VAV2: variants seen among roughly 807,000 people sequenced by gnomAD.
The protein encoded by VAV2 is guanine nucleotide exchange factor VAV2.
In VAV2, 67 loss-of-function variants were observed where a neutral mutation model predicts 132.5. That is an observed-to-expected ratio of 0.51 (90% CI 0.42 to 0.62). VAV2 has a LOEUF of 0.62. Among genes scored for constraint, VAV2 ranks in the 20% least tolerant of loss-of-function variants. The pLI is 0.00. For synonymous variants in VAV2, 492 were observed against 443.5 expected (o/e 1.11, Z -1.37); for missense variants, 938 against 1,153.6 (o/e 0.81, Z 2.71).
At chr9:133,791,723 G>C in intron 13 of VAV2, 60 bp downstream of exon 13, 2 of 1,464,682 alleles carry the variant, frequency 1.4e-6, no homozygotes, top group Non-Finnish European at 1.9e-6. Flanking sequence ...GGCTGTGAAC[G>C]TGACTTTATA....
chr9:133,789,626 C>T (rs1400024361), intron 13 of VAV2, among the ~76,000 whole-genome samples: 7 of 152,028 alleles, frequency 4.6e-5, no homozygotes, highest in African/African-American at 9.7e-5. Context: ...TTGACGGTGC[C>T]GGTTGTGTTC....
chr9:133,959,259 C>G (rs1169388062), intron 1 of VAV2, among the ~76,000 whole-genome samples: 6 of 152,182 alleles, frequency 3.9e-5, no homozygotes, highest in Non-Finnish European at 5.9e-5. Flanking sequence ...CCTGGGGCAG[C>G]TGCTGCACGG....
rs577866582 is a variant in VAV2, at chr9:133,865,442, G to A, written c.322-4010C>T. Among the ~76,000 whole-genome samples the A allele has an allele frequency of 1.2e-4, 18 of 151,584 alleles. No homozygotes were observed. In the South Asian group the frequency reaches 2.1e-3, roughly 18 times the overall value. On this transcript the variant is annotated intron_variant, in intron 2 of 29. Transcript: ENST00000371850. The stretch of plus-strand genomic sequence containing the variant: ...GTGCTGTATTCTTAGTGACTTCCTC[G>A]GTTCTGTCTTCTGATTCATTAATTC...
rs925497802 is a variant in VAV2, at chr9:133,952,857, A to G, written c.205-13638T>C. On this transcript the variant is annotated intron_variant, in intron 1 of 29. Transcript: ENST00000371850. ...CCACTGACACCTAGAACCTGGAGGG[A>G]GCATGGCCCCCGGGACACCTAGAAC... Among the ~76,000 whole-genome samples the G allele has an allele frequency of 8.7e-5, 10 of 114,404 alleles. 1 individual carries two copies. Among genetic ancestry groups the G allele is most frequent in the Middle Eastern group, 4.4e-3 (1 of 226 alleles). 75.1% of individuals were successfully genotyped at this position (114,404 alleles called of 152,430 possible).
rs149600358 is a variant in VAV2, at chr9:133,992,078, G to A, written c.201C>T (p.Ser67=). The change falls in exon 1 of 30, where the codon TCC becomes TCT. Residue 67 remains serine, a synonymous_variant. Transcript: ENST00000371850. This position sits in a 1 kb window ranked among gnomAD's most constrained non-coding sequence, Gnocchi z 5.5. ...LKDINFRPQM[S]QFLCLKNIRT... ...CTCCCGCCCGCCGGGCGCTCACCTG[G>A]GACATCTGCGGCCGGAAGTTGATGT... is the stretch of plus-strand genomic sequence containing the variant. 14 of 1,570,842 alleles carry A rather than the reference G, an allele frequency of 8.9e-6. No individual in the cohort carries two copies. Among genetic ancestry groups the A allele is most frequent in the Non-Finnish European group, 1.1e-5 (13 of 1,160,116 alleles).
Position 133,921,168 on chromosome 9 carries a change from C to T in VAV2, c.321+17935G>A, listed in dbSNP as rs532201082. ...GATACAGAGTCAGCCCACTTCCCTC[C>T]GCCTGCTGTCTCAGACACCAGAGAG... On this transcript the variant is annotated intron_variant, in intron 2 of 29. Coordinates refer to ENST00000371850, the MANE Select transcript of VAV2 (RefSeq NM_001134398.2). Among the ~76,000 whole-genome samples, 20 of 152,312 alleles carry T rather than the reference C, an allele frequency of 1.3e-4. No homozygotes were observed. In the South Asian group the frequency reaches 3.9e-3, roughly 30 times the overall value.
chr9:133,838,954 G>T (rs1276407617), intron 3 of VAV2, among the ~76,000 whole-genome samples: 1 of 143,098 alleles, frequency 7.0e-6, no homozygotes, highest in Non-Finnish European at 1.5e-5. Flanking sequence ...TGGGGTGGGT[G>T]GGTAGGTGGG....
chr9:133,962,797 A>G (rs933546825), intron 1 of VAV2, among the ~76,000 whole-genome samples: 3 of 152,224 alleles, frequency 2.0e-5, no homozygotes, highest in African/African-American at 4.8e-5. Context: ...TGCAGGTTTC[A>G]ACTTTCCCTT....
In VAV2 at chr9:133,762,515, T is replaced by TG. The variant is rs1833292268; in HGVS notation, c.*1546dup. ...CCTCCCCGCCATCCTCCGCGCCTGC[T>TG]GGGCCGCAGGTCGCAAAGTGCTGGG... On this transcript the variant is annotated 3_prime_UTR_variant, in exon 30 of 30. Transcript: ENST00000371850. The surrounding 1 kb of genome is among the most constrained non-coding windows in gnomAD (Gnocchi z 5.0). 1 of 152,342 alleles carries TG rather than the reference T, an allele frequency of 6.6e-6. No homozygotes were observed. Among genetic ancestry groups the TG allele is most frequent in the Non-Finnish European group, 1.5e-5 (1 of 68,116 alleles). The allele number at this position is 152,342 out of a possible 1,614,324, so 9.4% of individuals were successfully genotyped here.
chr9:133,882,369 C>T (rs1233160103), intron 2 of VAV2, among the ~76,000 whole-genome samples: 1 of 152,248 alleles, frequency 6.6e-6, no homozygotes, highest in African/African-American at 2.4e-5. Flanking sequence ...AGCCAGCCGA[C>T]ATCTGTACGG....
chr9:133,848,530 G>T (rs911424717), intron 3 of VAV2, among the ~76,000 whole-genome samples: 1 of 152,170 alleles, frequency 6.6e-6, no homozygotes, highest in Non-Finnish European at 1.5e-5. Flanking sequence ...AGATAATAGG[G>T]AAAGAGCGGA....
At chr9:133,868,951 A>G (rs1358695237) in intron 2 of VAV2, among the ~76,000 whole-genome samples, 1 of 151,660 alleles carries the variant, frequency 6.6e-6, no homozygotes, top group Non-Finnish European at 1.5e-5. Context: ...TGAGATGAGG[A>G]GTTCGAGACC....
intron 2 of VAV2, among the ~76,000 whole-genome samples, chr9:133,936,845 G>A (rs999295366): frequency 2.0e-5 from 3 of 152,152 alleles, no homozygotes; most frequent in South Asian, 2.1e-4. Flanking sequence ...TGACCGCCAC[G>A]GTGAGACATG....
rs902732761 is a variant in VAV2, at chr9:133,823,265, A to C, written c.449+11007T>G. ...AGAAACAGAAGCAGGAAGACAAGGG[A>C]AAGTTGGTGGCAGAGACTGTCCTGC... On this transcript the variant is annotated intron_variant, in intron 4 of 29. Coordinates refer to ENST00000371850, the MANE Select transcript of VAV2 (RefSeq NM_001134398.2). This position sits in a 1 kb window ranked among gnomAD's most constrained non-coding sequence, Gnocchi z 5.5. 6.6e-6 allele frequency among the ~76,000 whole-genome samples: 1 copy of C among 152,170 alleles called. No individual in the cohort carries two copies. The highest frequency in any genetic ancestry group is 1.5e-5 in the Non-Finnish European group (1 of 68,034).
intron 1 of VAV2, among the ~76,000 whole-genome samples, chr9:133,958,137 A>G (rs1033783231): frequency 1.3e-4 from 18 of 141,236 alleles, no homozygotes; most frequent in Non-Finnish European, 2.2e-4. Context: ...TGATAGTCTG[A>G]AATATGGCCT....
intron 1 of VAV2, among the ~76,000 whole-genome samples, chr9:133,973,493 C>T (rs1400219388): frequency 6.6e-6 from 1 of 152,228 alleles, no homozygotes; most frequent in Non-Finnish European, 1.5e-5. Flanking sequence ...GGTGGGCTCT[C>T]CCCGGAAGGC....
chr9:133,827,164 G>T (rs1186532814), intron 4 of VAV2, among the ~76,000 whole-genome samples: 1 of 151,932 alleles, frequency 6.6e-6, no homozygotes, highest in African/African-American at 2.4e-5. Context: ...AAGCCAATGT[G>T]CCACCTACCG....
intron 18 of VAV2, 33 bp downstream of exon 18, chr9:133,784,284 G>T (rs375570783): frequency 6.6e-5 from 105 of 1,598,188 alleles, no homozygotes; most frequent in Non-Finnish European, 8.7e-5. Flanking sequence ...GGCGTGGAGC[G>T]AGGTGAGGGC....
chr9:133,919,487 G>A lies in VAV2; in HGVS notation c.321+19616C>T, dbSNP rs540576374. On this transcript the variant is annotated intron_variant, in intron 2 of 29. Coordinates refer to ENST00000371850, the MANE Select transcript of VAV2 (RefSeq NM_001134398.2). The surrounding 1 kb of genome is among the most constrained non-coding windows in gnomAD (Gnocchi z 5.8). ...CCCAGGTGTCCCGGCTCCCAGCCCA[G>A]GGACTCACTGTCCCCCGGGGCCAGG... is the stretch of plus-strand genomic sequence containing the variant. Among the ~76,000 whole-genome samples, 1 of 152,188 alleles carries A rather than the reference G, an allele frequency of 6.6e-6. No homozygotes were observed. The highest frequency in any genetic ancestry group is 1.5e-5 in the Non-Finnish European group (1 of 68,036).
Sources: gnomAD v4.1 joint callset for allele counts (sites outside exome capture counted in the v4.1 genomes callset) on GRCh38, gnomAD v4.1.1 for gene constraint, Gnocchi (gnomAD v3.1) non-coding constraint, MANE v1.5 for transcripts, NCBI Gene and HGNC (gene_info 2026-07-23, HGNC 2026-07-21) for gene names.